Variants in PCDH7 observed in about 807,000 individuals in gnomAD.
PCDH7 encodes protocadherin-7.
A neutral mutation model predicts 58.9 loss-of-function variants in PCDH7; 17 were observed. The ratio of observed to expected loss-of-function variants is 0.29; its 90% CI spans 0.20 to 0.43. PCDH7 has a LOEUF of 0.43. Among genes scored for constraint, PCDH7 ranks in the 20% least tolerant of loss-of-function variants. PCDH7 has a pLI of 1.00. For missense variants in PCDH7, 1,274 were observed against 1,441.0 expected, an observed-to-expected ratio of 0.88 and a Z score of 1.88; for synonymous variants, 664 against 616.4, an observed-to-expected ratio of 1.08 and a Z score of -1.14.
intron 1 of PCDH7, among the ~76,000 whole-genome samples, chr4:30,910,871 T>C (rs561963354): frequency 6.6e-6 from 1 of 152,190 alleles, no homozygotes; most frequent in East Asian, 1.9e-4. Context: ...ATGTTTACTG[T>C]AACACTATTC....
chr4:30,740,465 T>C (rs747683752), intron 1 of PCDH7, among the ~76,000 whole-genome samples: 12 of 152,204 alleles, frequency 7.9e-5, no homozygotes, highest in Non-Finnish European at 1.5e-4. Context: ...TTTCATTATT[T>C]TATTTCAATA....
At chr4:31,007,319 A>G (rs562670688) in intron 3 of PCDH7, among the ~76,000 whole-genome samples, 16 of 152,342 alleles carry the variant, frequency 1.1e-4, no homozygotes, top group African/African-American at 3.8e-4. Flanking sequence ...TGCAATACAT[A>G]CTGTAATCAA....
At chr4:30,924,994 G>T (rs1743665983) in intron 2 of PCDH7, among the ~76,000 whole-genome samples, 1 of 151,560 alleles carries the variant, frequency 6.6e-6, no homozygotes, top group Admixed American at 6.6e-5. Context: ...TATGCCTCTT[G>T]ATTTTCTCAG....
At chr4:30,872,422 A>G (rs543136412) in intron 1 of PCDH7, among the ~76,000 whole-genome samples, 105 of 152,174 alleles carry the variant, frequency 6.9e-4, no homozygotes, top group African/African-American at 2.4e-3. Context: ...TGTTCCAATA[A>G]AAGTTTTATT....
At chr4:31,022,456 C>A (rs1268651588) in intron 3 of PCDH7, among the ~76,000 whole-genome samples, 1 of 152,114 alleles carries the variant, frequency 6.6e-6, no homozygotes, top group Non-Finnish European at 1.5e-5. Context: ...AAAACATTTT[C>A]TGAAGCTTGG....
At chr4:30,864,856 A>T (rs566054227) in intron 1 of PCDH7, among the ~76,000 whole-genome samples, 1 of 152,240 alleles carries the variant, frequency 6.6e-6, no homozygotes, top group East Asian at 1.9e-4. Context: ...AGGAAAAAAA[A>T]TTTAAGGCAA....
intron 3 of PCDH7, among the ~76,000 whole-genome samples, chr4:31,135,423 G>T (rs1328337777): frequency 6.6e-6 from 1 of 152,156 alleles, no homozygotes; most frequent in Admixed American, 6.5e-5. Flanking sequence ...AAAGTAGTAG[G>T]AGGATGCCTA....
intron 1 of PCDH7, among the ~76,000 whole-genome samples, chr4:30,905,372 C>T (rs768420964): frequency 6.6e-6 from 1 of 151,696 alleles, no homozygotes; most frequent in Non-Finnish European, 1.5e-5. Flanking sequence ...CATTCAGCTG[C>T]GTCTGGAACT....
At chr4:30,804,022 A>C (rs1387637484) in intron 1 of PCDH7, among the ~76,000 whole-genome samples, 1 of 152,208 alleles carries the variant, frequency 6.6e-6, no homozygotes, top group Non-Finnish European at 1.5e-5. Flanking sequence ...CTTCATCAGG[A>C]CAGAACCCTC....
chr4:31,127,117 G>A (rs1718405724), intron 3 of PCDH7, among the ~76,000 whole-genome samples: 1 of 152,214 alleles, frequency 6.6e-6, no homozygotes, highest in Non-Finnish European at 1.5e-5. Flanking sequence ...TAAAGAGCAT[G>A]TGTGGCAGAT....
chr4:30,968,409 TATATATGG>T (rs36160777), intron 3 of PCDH7, among the ~76,000 whole-genome samples: 1,431 of 43,378 alleles, frequency 0.033, 52 homozygotes, highest in East Asian at 0.068. Flanking sequence ...TATATATATA[TATATATGG>T]GATATTATGT....
At chr4:30,803,834 A>T (rs1376953469) in intron 1 of PCDH7, among the ~76,000 whole-genome samples, 1 of 152,236 alleles carries the variant, frequency 6.6e-6, no homozygotes, top group Non-Finnish European at 1.5e-5. Context: ...AGACTTACTG[A>T]AATAAAGCAG....
chr4:31,107,741 T>C (rs1715759327), intron 3 of PCDH7, among the ~76,000 whole-genome samples: 2 of 152,132 alleles, frequency 1.3e-5, no homozygotes, highest in African/African-American at 2.4e-5. Context: ...TAGTTTATAA[T>C]CTAGTGGGAA....
chr4:31,090,482 G>T (rs1205159833), intron 3 of PCDH7, among the ~76,000 whole-genome samples: 1 of 151,976 alleles, frequency 6.6e-6, no homozygotes, highest in Non-Finnish European at 1.5e-5. Context: ...TAGTCACCCT[G>T]TTGTGCTAGC....
rs1759520892 is a variant in PCDH7, at chr4:31,081,684, T to C, written c.*8-60789T>C. Among the ~76,000 whole-genome samples the C allele has an allele frequency of 2.0e-5, 3 of 152,162 alleles. No homozygotes were observed. In the South Asian group the frequency reaches 6.2e-4, roughly 32 times the overall value. On this transcript the variant is annotated intron_variant, in intron 3 of 3. Coordinates refer to the PCDH7 transcript ENST00000509759. ...AGGTCCATTTTTTCCATTCCCCAGCTTATTTTTTAAGAAAGTCAAAAGTCA... is the reference window on the plus strand; with the variant it reads ...AGGTCCATTTTTTCCATTCCCCAGCCTATTTTTTAAGAAAGTCAAAAGTCA...
chr4:30,769,075 A>G (rs1332845884), intron 1 of PCDH7, among the ~76,000 whole-genome samples: 1 of 152,240 alleles, frequency 6.6e-6, no homozygotes, highest in Non-Finnish European at 1.5e-5. Flanking sequence ...AAATGTTTTC[A>G]TAGCAATTAT....
intron 3 of PCDH7, among the ~76,000 whole-genome samples, chr4:30,965,644 C>A (rs1320570493): frequency 6.6e-6 from 1 of 151,892 alleles, no homozygotes; most frequent in African/African-American, 2.4e-5. Flanking sequence ...TCTTCCAGTG[C>A]AAATTAGGTT....
intron 3 of PCDH7, among the ~76,000 whole-genome samples, chr4:30,989,013 A>T (rs1751228457): frequency 6.6e-6 from 1 of 152,160 alleles, no homozygotes; most frequent in Admixed American, 6.5e-5. Flanking sequence ...CAGGTCAGAG[A>T]CTTCAAATCT....
intron 3 of PCDH7, among the ~76,000 whole-genome samples, chr4:31,015,756 T>A (rs1030656534): frequency 6.6e-6 from 1 of 152,204 alleles, no homozygotes; most frequent in Non-Finnish European, 1.5e-5. Context: ...GTAGTGACAA[T>A]GTTTGTTTTC....
Sources: gnomAD v4.1 joint callset for allele counts (sites outside exome capture counted in the v4.1 genomes callset) on GRCh38, gnomAD v4.1.1 for gene constraint, MANE v1.5 for transcripts, NCBI Gene and HGNC (gene_info 2026-07-23, HGNC 2026-07-21) for gene names.